PRPSAP2: variants seen among roughly 807,000 people sequenced by gnomAD.
PRPSAP2 encodes the protein phosphoribosyl pyrophosphate synthase-associated protein 2.
PRPSAP2 carries 24 observed loss-of-function variants against 40.6 expected under a neutral mutation model. The ratio of observed to expected loss-of-function variants is 0.59; its 90% CI spans 0.43 to 0.83. The LOEUF (loss-of-function observed/expected upper bound fraction) is 0.83. PRPSAP2 is among the 40% of genes least tolerant of loss of function. PRPSAP2 has a pLI of 0.00. For missense variants in PRPSAP2, 292 were observed against 465.6 expected (o/e 0.63, Z 3.43); for synonymous variants, 149 against 164.7 (o/e 0.90, Z 0.73).
chr17:18,897,915 C>T (rs1567715743), intron 8 of PRPSAP2, among the ~76,000 whole-genome samples: 1 of 151,872 alleles, frequency 6.6e-6, no homozygotes, highest in Non-Finnish European at 1.5e-5. Context: ...CTCTTTACTC[C>T]CCCTGTTTTT....
At chr17:18,875,670 A>G (rs968070472) in intron 5 of PRPSAP2, among the ~76,000 whole-genome samples, 1 of 152,030 alleles carries the variant, frequency 6.6e-6, no homozygotes, top group Non-Finnish European at 1.5e-5. Flanking sequence ...CCTGGCCAAC[A>G]TGGTGAAACC....
intron 9 of PRPSAP2, among the ~76,000 whole-genome samples, chr17:18,919,720 G>A (rs2041583889): frequency 6.6e-6 from 1 of 152,170 alleles, no homozygotes; most frequent in Non-Finnish European, 1.5e-5. Context: ...CTCCAGTACA[G>A]CCCTTTTAAT....
intron 5 of PRPSAP2, among the ~76,000 whole-genome samples, chr17:18,873,970 T>C (rs184464894): frequency 6.6e-6 from 1 of 151,970 alleles, no homozygotes; most frequent in Admixed American, 6.6e-5. Context: ...AGTGGTGAGA[T>C]CATAACTCAC....
chr17:18,859,603 A>G (rs1811505974), intron 1 of PRPSAP2: 1 of 152,246 alleles, frequency 6.6e-6, no homozygotes, highest in African/African-American at 2.4e-5. Context: ...ATTGTGTTGG[A>G]GAGATAAGCA....
intron 11 of PRPSAP2, 89 bp downstream of exon 11, chr17:18,929,046 G>C (rs550128304): frequency 7.9e-6 from 12 of 1,512,772 alleles, no homozygotes; most frequent in Non-Finnish European, 1.1e-5. Flanking sequence ...ACAAGACTGA[G>C]ATCTTTTGTG....
chr17:18,888,784 G>A (rs113709108), intron 7 of PRPSAP2, among the ~76,000 whole-genome samples: 1,717 of 22,900 alleles, frequency 0.075, 2 homozygotes, highest in Middle Eastern at 0.21. Flanking sequence ...CGGACGGGGC[G>A]GCTGGCCGGG....
chr17:18,866,478 C>A (rs954178388), intron 3 of PRPSAP2, among the ~76,000 whole-genome samples: 2 of 152,066 alleles, frequency 1.3e-5, no homozygotes, highest in African/African-American at 4.8e-5. Flanking sequence ...GCAGGAGAAT[C>A]GCTTGAACGC....
intron 10 of PRPSAP2, 78 bp downstream of exon 10, chr17:18,924,062 T>C (rs922114019): frequency 9.3e-6 from 13 of 1,393,298 alleles, no homozygotes; most frequent in Non-Finnish European, 1.3e-5. Context: ...TTGATTTTAT[T>C]ACAGAGACTC....
chr17:18,907,632 T>C lies in PRPSAP2; in HGVS notation c.585-3471T>C, dbSNP rs1280328514. On this transcript the variant is annotated intron_variant, in intron 8 of 11. Transcript: ENST00000268835. ...TAAACACAAAGATAGATCATATTCT[T>C]GTGAGCCATAAAATAAGCCCCAAAT... 3.3e-5 allele frequency among the ~76,000 whole-genome samples: 5 copies of C among 152,198 alleles called. 1 individual carries two copies. The highest frequency in any genetic ancestry group is 2.6e-4 in the Admixed American group (4 of 15,272).
At chr17:18,925,228 A>G (rs2041909746) in intron 10 of PRPSAP2, among the ~76,000 whole-genome samples, 1 of 152,238 alleles carries the variant, frequency 6.6e-6, no homozygotes. Flanking sequence ...TCATGCCTGT[A>G]TATTTTAAAG....
At position 18,894,479 on chromosome 17, in the gene PRPSAP2, C is replaced by CTTTTTTTTTTTTTTTTTTTTTTTTTT. The variant is rs1201159228; in HGVS notation, c.584+4620_584+4621insTTTTTTTTTTTTTTTTTTTTTTTTTT. ...CGGCCCTCTGTAGCTTTTCAATAGT[C>CTTTTTTTTTTTTTTTTTTTTTTTTTT]TTTTTTTTTTTTTTTTTTGAGACAG... On this transcript the variant is annotated intron_variant, in intron 8 of 11. Transcript: ENST00000268835. Among the ~76,000 whole-genome samples the CTTTTTTTTTTTTTTTTTTTTTTTTTT allele has an allele frequency of 1.7e-5, 2 of 120,580 alleles. 1 individual carries two copies. Among genetic ancestry groups the CTTTTTTTTTTTTTTTTTTTTTTTTTT allele is most frequent in the Non-Finnish European group, 3.4e-5 (2 of 58,468 alleles). 79.1% of individuals were successfully genotyped at this position (120,580 alleles called of 152,430 possible).
At chr17:18,882,544 C>G in intron 6 of PRPSAP2, 24 bp from the exon 7 acceptor site, 4 of 1,362,488 alleles carry the variant, frequency 2.9e-6, no homozygotes, top group Non-Finnish European at 4.1e-6. Flanking sequence ...CTATTTATTG[C>G]TTGTGTCTGC....
At chr17:18,886,805 C>T (rs1029056811) in intron 7 of PRPSAP2, among the ~76,000 whole-genome samples, 1 of 151,830 alleles carries the variant, frequency 6.6e-6, no homozygotes, top group African/African-American at 2.4e-5. Context: ...TGATTGTTGC[C>T]TTGCAAGAAA....
intron 4 of PRPSAP2, among the ~76,000 whole-genome samples, chr17:18,869,381 A>G (rs1337030495): frequency 6.8e-6 from 1 of 147,172 alleles, no homozygotes; most frequent in Admixed American, 6.9e-5. Flanking sequence ...TGTGTCACTC[A>G]GGCTGGGGTG....
chr17:18,903,954 C>T (rs1311660745), intron 8 of PRPSAP2, among the ~76,000 whole-genome samples: 1 of 152,078 alleles, frequency 6.6e-6, no homozygotes, highest in Non-Finnish European at 1.5e-5. Flanking sequence ...TTCTAGTTCC[C>T]TCCTCCAAGT....
intron 9 of PRPSAP2, among the ~76,000 whole-genome samples, chr17:18,915,807 G>A (rs948508649): frequency 2.6e-5 from 4 of 150,978 alleles, no homozygotes; most frequent in Admixed American, 6.6e-5. Context: ...TCTCAATAGC[G>A]CACACTGGGG....
chr17:18,927,336 G>A (rs1363195222), intron 10 of PRPSAP2, among the ~76,000 whole-genome samples: 1 of 152,156 alleles, frequency 6.6e-6, no homozygotes, highest in Non-Finnish European at 1.5e-5. Context: ...CCACAGCACT[G>A]GCAACCACTG....
At chr17:18,888,751 G>T (rs1168687970) in intron 7 of PRPSAP2, among the ~76,000 whole-genome samples, 1 of 42,220 alleles carries the variant, frequency 2.4e-5, no homozygotes, top group African/African-American at 9.9e-5. Flanking sequence ...CCGGGCGGGG[G>T]GCTGACCCCC....
intron 8 of PRPSAP2, among the ~76,000 whole-genome samples, chr17:18,898,252 C>T (rs1725992519): frequency 1.3e-5 from 2 of 152,068 alleles, no homozygotes; most frequent in African/African-American, 2.4e-5. Flanking sequence ...CCACCGCGGC[C>T]TCCCAAAGTG....
Sources: gnomAD v4.1 joint callset for allele counts (sites outside exome capture counted in the v4.1 genomes callset) on GRCh38, gnomAD v4.1.1 for gene constraint, MANE v1.5 for transcripts, NCBI Gene and HGNC (gene_info 2026-07-23, HGNC 2026-07-21) for gene names.